The following HOXB3 variants were observed in gnomAD, a reference collection of about 807,000 sequenced individuals.
The protein encoded by HOXB3 is homeobox protein Hox-B3.
In HOXB3, 17 loss-of-function variants were observed where a neutral mutation model predicts 29.2. The observed-to-expected ratio is 0.58, with a 90% CI of 0.40 to 0.87. The LOEUF (loss-of-function observed/expected upper bound fraction) is 0.87, where lower values mean the gene tolerates loss of function less well. HOXB3 is among the 40% of genes least tolerant of loss of function. The pLI is 0.00. For synonymous variants in HOXB3, 317 were observed against 285.9 expected (o/e 1.11, Z -1.10); for missense variants, 637 against 616.3 (o/e 1.03, Z -0.35).
In HOXB3 at chr17:48,552,577, C is replaced by CG; in HGVS notation, c.-104_-103insC. The CG allele has an allele frequency of 1.3e-6, 1 of 793,720 alleles. No homozygotes were observed. Among genetic ancestry groups the CG allele is most frequent in the Non-Finnish European group, 1.9e-6 (1 of 526,136 alleles). 49.2% of individuals were successfully genotyped at this position (793,720 alleles called of 1,614,324 possible). On this transcript the variant is annotated 5_prime_UTR_variant, in exon 4 of 5. The change creates a premature stop within an existing upstream ORF in the 5' untranslated region. Coordinates refer to ENST00000498678, the MANE Select transcript of HOXB3 (RefSeq NM_001384749.1). ...GGGTCACGTGACACGCCGGACCCCCCCCCCCCACCTCCCCTCTCTGCCCCC... is the reference window on the plus strand; with the variant it reads ...GGGTCACGTGACACGCCGGACCCCCCGCCCCCCACCTCCCCTCTCTGCCCCC...
chr17:48,577,614 C>T (rs1305721824), intron 1 of HOXB3, among the ~76,000 whole-genome samples: 1 of 152,202 alleles, frequency 6.6e-6, no homozygotes, highest in African/African-American at 2.4e-5. Context: ...GCGAAAAAGT[C>T]GCTGGTGAGA....
intron 2 of HOXB3, chr17:48,557,508 C>T (rs1398199158): frequency 6.6e-6 from 1 of 152,292 alleles, no homozygotes; most frequent in East Asian, 1.9e-4. Context: ...CCTACTTCTT[C>T]CAGGCAAGGC....
intron 1 of HOXB3, chr17:48,580,671 T>C (rs2069915230): frequency 6.6e-6 from 1 of 152,120 alleles, no homozygotes; most frequent in African/African-American, 2.4e-5. Context: ...AGCCAGATGA[T>C]ATAGGGCCCC....
chr17:48,556,792 G>A (rs886776777), intron 2 of HOXB3: 5 of 152,154 alleles, frequency 3.3e-5, no homozygotes, highest in African/African-American at 9.7e-5. Context: ...AGGCAGAAGG[G>A]GCTAAGAGGT....
chr17:48,560,292 CA>C (rs1233592601), intron 2 of HOXB3: 2 of 152,280 alleles, frequency 1.3e-5, no homozygotes, highest in African/African-American at 4.8e-5. Context: ...GACAATAACT[CA>C]GTGGATTAAT....
intron 3 of HOXB3, 33 bp from the exon 4 acceptor site, chr17:48,552,665 A>T: frequency 1.9e-6 from 1 of 536,514 alleles, no homozygotes; most frequent in Non-Finnish European, 3.3e-6. Context: ...CAAGGGGGAG[A>T]AGAGGACTGG....
intron 2 of HOXB3, among the ~76,000 whole-genome samples, chr17:48,561,573 G>A (rs1421053096): frequency 2.0e-5 from 3 of 152,250 alleles, no homozygotes; most frequent in African/African-American, 7.2e-5. Flanking sequence ...ACACAAGGGA[G>A]TGCCTCCCAT....
At chr17:48,559,942 A>G (rs995690688) in intron 2 of HOXB3, 1 of 152,312 alleles carries the variant, frequency 6.6e-6, no homozygotes, top group African/African-American at 2.4e-5. Flanking sequence ...CCGCCTGAAC[A>G]TGCTAATGAG....
At chr17:48,587,505 G>T (rs770852683) in intron 1 of HOXB3, among the ~76,000 whole-genome samples, 1 of 152,160 alleles carries the variant, frequency 6.6e-6, no homozygotes, top group Non-Finnish European at 1.5e-5. Context: ...GAGTTTGGGG[G>T]GGTTGTGCTG....
chr17:48,550,046 G>T lies in HOXB3; in HGVS notation c.*288C>A. 2.6e-6 allele frequency: 1 copy of T among 388,324 alleles called. No individual in the cohort carries two copies. The highest frequency in any genetic ancestry group is 4.7e-6 in the Non-Finnish European group (1 of 214,434). The allele number at this position is 388,324 out of a possible 1,614,324, so 24.1% of individuals were successfully genotyped here. ...TCGTCTTCCTCTACCCCACTCCCGG[G>T]CGTGGAATTCCAACTTGGTAGTGCT... On this transcript the variant is annotated 3_prime_UTR_variant, in exon 5 of 5. Coordinates refer to ENST00000498678, the MANE Select transcript of HOXB3 (RefSeq NM_001384749.1).
rs754735180 is a variant in HOXB3 at position 48,552,203 on chromosome 17, G to C, written c.272C>G (p.Pro91Arg). ...EPLSAPPGSPPPSAAPTSATS... is the reference protein window; with the variant it reads ...EPLSAPPGSPRPSAAPTSATS... ...GGCACTGGTAGGTGCGGCACTGGGC[G>C]GGGGTGAGCCAGGCGGGGCCGACAG... is the stretch of plus-strand genomic sequence containing the variant. Residue 91 changes from proline to arginine, a missense_variant, in exon 4 of 5, where the codon CCG becomes CGG. Transcript: ENST00000498678. The C allele has an allele frequency of 3.1e-6, 5 of 1,613,290 alleles. No homozygotes were observed. Among genetic ancestry groups the C allele is most frequent in the Non-Finnish European group, 4.2e-6 (5 of 1,179,756 alleles).
chr17:48,560,991 A>AC (rs778982921), intron 2 of HOXB3, among the ~76,000 whole-genome samples: 1 of 151,898 alleles, frequency 6.6e-6, no homozygotes, highest in Non-Finnish European at 1.5e-5. Context: ...GACCAGCCTG[A>AC]CCAACATGGC....
chr17:48,579,866 T>C (rs1348797754), intron 1 of HOXB3: 1 of 521,856 alleles, frequency 1.9e-6, no homozygotes, highest in Middle Eastern at 3.2e-4. Context: ...CAACTACATA[T>C]TCCCCTAGAT....
At chr17:48,564,901 T>A (rs971568960) in intron 2 of HOXB3, among the ~76,000 whole-genome samples, 1 of 152,222 alleles carries the variant, frequency 6.6e-6, no homozygotes, top group African/African-American at 2.4e-5. Flanking sequence ...CCTCGAGTTT[T>A]CTAAAGCTGC....
In HOXB3 at chr17:48,554,513, G is replaced by A; in HGVS notation, c.-159+1018C>T. 1 of 642,644 alleles carries A rather than the reference G, an allele frequency of 1.6e-6. No homozygotes were observed. The highest frequency in any genetic ancestry group is 2.8e-6 in the Non-Finnish European group (1 of 358,096). The allele number at this position is 642,644 out of a possible 1,614,324, so 39.8% of individuals were successfully genotyped here. On this transcript the variant is annotated intron_variant, in intron 3 of 4. Transcript: ENST00000498678. The surrounding 1 kb of genome is among the most constrained non-coding windows in gnomAD (Gnocchi z 4.1). The stretch of plus-strand genomic sequence containing the variant: ...GATAGGAAAGAATGGAGACTCCGCC[G>A]GTGGTGCAGACAGGGCTGGGAAGGT...
At chr17:48,557,764 AT>A (rs1181161594) in intron 2 of HOXB3, among the ~76,000 whole-genome samples, 2 of 152,100 alleles carry the variant, frequency 1.3e-5, no homozygotes, top group Admixed American at 6.5e-5. Flanking sequence ...GTTTATTAGT[AT>A]TTTTCTGTGT....
chr17:48,566,742 G>A (rs895150738), intron 2 of HOXB3, among the ~76,000 whole-genome samples: 49 of 152,252 alleles, frequency 3.2e-4, no homozygotes, highest in Middle Eastern at 6.8e-3. Flanking sequence ...CATGGAAGAA[G>A]TGATCCTTCC....
intron 2 of HOXB3, among the ~76,000 whole-genome samples, chr17:48,568,947 G>A (rs1193565729): frequency 6.6e-6 from 1 of 152,112 alleles, no homozygotes; most frequent in Non-Finnish European, 1.5e-5. Context: ...GACGCGGTAG[G>A]TAGTGAGAAA....
At chr17:48,568,998 G>A (rs969970182) in intron 2 of HOXB3, among the ~76,000 whole-genome samples, 4 of 151,810 alleles carry the variant, frequency 2.6e-5, no homozygotes, top group Non-Finnish European at 2.9e-5. Flanking sequence ...GTGTGGCTCC[G>A]GCTGCGGGGC....
Sources: gnomAD v4.1 joint callset for allele counts (sites outside exome capture counted in the v4.1 genomes callset) on GRCh38, gnomAD v4.1.1 for gene constraint, Gnocchi (gnomAD v3.1) non-coding constraint, MANE v1.5 for transcripts, NCBI Gene and HGNC (gene_info 2026-07-23, HGNC 2026-07-21) for gene names.